MCFD2: variants seen among roughly 807,000 people sequenced by gnomAD.
MCFD2 encodes the protein multiple coagulation factor deficiency protein 2.
A neutral mutation model predicts 12.8 loss-of-function variants in MCFD2; 11 were observed. The observed-to-expected ratio is 0.86, with a 90% CI of 0.54 to 1.42. MCFD2 has a LOEUF of 1.42. Ranked by LOEUF, MCFD2 falls within the 40% of genes most tolerant of loss-of-function variation. MCFD2 has a pLI of 0.00. For missense variants in MCFD2, 191 were observed against 178.6 expected (o/e 1.07, Z -0.40); for synonymous variants, 70 against 68.1 (o/e 1.03, Z -0.14).
At chr2:46,914,804 TACTG>T (rs1460968559) in intron 1 of MCFD2, among the ~76,000 whole-genome samples, 3 of 152,160 alleles carry the variant, frequency 2.0e-5, no homozygotes. Flanking sequence ...ATAGCGAACA[TACTG>T]AAGGAACATG....
Position 46,907,595 on chromosome 2 carries a change from A to G in MCFD2, c.309+215T>C, listed in dbSNP as rs1668298046. 6.8e-6 allele frequency: 4 copies of G among 589,646 alleles called. No individual in the cohort carries two copies. Among genetic ancestry groups the G allele is most frequent in the Admixed American group, 5.6e-5 (2 of 35,998 alleles). The allele number at this position is 589,646 out of a possible 1,614,324, so 36.5% of individuals were successfully genotyped here. A position where few individuals can be genotyped will look rare whatever the true frequency, so the allele number is the denominator to read the frequency against. ...GTTTGTTTTGTAGAGACAGGGTCTC[A>G]CTATATTGCCAAGGCTGGTCTTGAA... is the stretch of plus-strand genomic sequence containing the variant. On this transcript the variant is annotated intron_variant, in intron 3 of 3. Coordinates refer to ENST00000319466, the MANE Select transcript of MCFD2 (RefSeq NM_139279.6). The surrounding 1 kb of genome is among the most constrained non-coding windows in gnomAD (Gnocchi z 4.1).
At chr2:46,916,023 C>A (rs1668766137), upstream of MCFD2, 1 of 985,302 alleles carries the variant, frequency 1.0e-6, no homozygotes, top group Non-Finnish European at 1.2e-6. Context: ...CCAGTTGGGC[C>A]GCTGGACGCC....
chr2:46,930,917 T>C (rs1423680036), intron 1 of MCFD2, among the ~76,000 whole-genome samples: 1 of 152,220 alleles, frequency 6.6e-6, no homozygotes, highest in Non-Finnish European at 1.5e-5. Context: ...AAAATATATA[T>C]ACCCTCTGAT....
upstream of MCFD2, chr2:46,915,943 C>A (rs1261513818): frequency 3.0e-6 from 3 of 985,338 alleles, no homozygotes; most frequent in Non-Finnish European, 3.6e-6. Context: ...GTAATCGGCC[C>A]GGGCCCAGCA....
Position 46,907,764 on chromosome 2 carries a change from G to A in MCFD2, c.309+46C>T, listed in dbSNP as rs1026792937. The A allele has an allele frequency of 5.6e-6, 9 of 1,600,436 alleles. No homozygotes were observed. Among genetic ancestry groups the A allele is most frequent in the Non-Finnish European group, 7.7e-6 (9 of 1,168,620 alleles). On this transcript the variant is annotated intron_variant, in intron 3 of 3. Coordinates refer to ENST00000319466, the MANE Select transcript of MCFD2 (RefSeq NM_139279.6). This position sits in a 1 kb window ranked among gnomAD's most constrained non-coding sequence, Gnocchi z 4.1. ...AAGACTGGGGACCAAATTAACAAAG[G>A]GAAGCCTTTCTGTGATACAGTCCCC...
chr2:46,915,473 C>T (rs990678743), intron 1 of MCFD2, among the ~76,000 whole-genome samples: 9 of 152,166 alleles, frequency 5.9e-5, no homozygotes, highest in African/African-American at 1.9e-4. Context: ...TCCTCGGGCC[C>T]CTAGGGACCA....
At chr2:46,921,897 GT>G (rs34412597) in intron 1 of MCFD2, among the ~76,000 whole-genome samples, 25,850 of 152,190 alleles carry the variant, frequency 0.17, 2,623 homozygotes, top group African/African-American at 0.28. Flanking sequence ...CATAGCTCAG[GT>G]TGGTAATGCT....
rs1191735283 is a variant in MCFD2 at position 46,905,292 on chromosome 2, C to G, written c.*171G>C. On this transcript the variant is annotated 3_prime_UTR_variant, in exon 4 of 4. Coordinates refer to ENST00000319466, the MANE Select transcript of MCFD2 (RefSeq NM_139279.6). ...AGGGACTATTAGATGTCCCATTTCT[C>G]TTCTCTTTCATTTCTCTTATCTCTT... 2 of 715,184 alleles carry G rather than the reference C, an allele frequency of 2.8e-6. No individual in the cohort carries two copies. The highest frequency in any genetic ancestry group is 4.9e-6 in the Non-Finnish European group (2 of 404,440). The allele number at this position is 715,184 out of a possible 1,614,324, so 44.3% of individuals were successfully genotyped here.
At chr2:46,917,061 T>G, upstream of MCFD2, 1 of 642,258 alleles carries the variant, frequency 1.6e-6, no homozygotes, top group Admixed American at 2.6e-5. Flanking sequence ...GCCTTGAAAG[T>G]TGCCTAACGC....
intron 1 of MCFD2, among the ~76,000 whole-genome samples, chr2:46,915,332 G>A (rs530520429): frequency 1.2e-4 from 19 of 152,328 alleles, no homozygotes; most frequent in African/African-American, 4.6e-4. Flanking sequence ...TTCCCCCGCC[G>A]GGCCCGACAG....
intron 1 of MCFD2, among the ~76,000 whole-genome samples, chr2:46,930,563 G>C (rs772299044): frequency 2.7e-4 from 40 of 148,844 alleles, no homozygotes; most frequent in Non-Finnish European, 5.2e-4. Context: ...GCAGTGGCGC[G>C]ATCTTGGCTC....
At chr2:46,931,120 T>C (rs1023405670) in intron 1 of MCFD2, among the ~76,000 whole-genome samples, 1 of 152,230 alleles carries the variant, frequency 6.6e-6, no homozygotes. Flanking sequence ...CCCCCAAAGA[T>C]GTTTATGTCC....
At chr2:46,927,177 T>G (rs1264359054) in intron 1 of MCFD2, among the ~76,000 whole-genome samples, 1 of 151,924 alleles carries the variant, frequency 6.6e-6, no homozygotes, top group Non-Finnish European at 1.5e-5. Flanking sequence ...GCAAAGACAG[T>G]ATTTGAAGAG....
intron 1 of MCFD2, among the ~76,000 whole-genome samples, chr2:46,912,045 C>A (rs76936474): frequency 0.033 from 4,997 of 152,184 alleles, 101 homozygotes; most frequent in Non-Finnish European, 0.047. Flanking sequence ...ATAAAAGTGC[C>A]CAGACCTTGG....
At chr2:46,915,676 A>T in intron 1 of MCFD2, 47 bp downstream of exon 1, 1 of 748,272 alleles carries the variant, frequency 1.3e-6, no homozygotes, top group Non-Finnish European at 1.6e-6. Flanking sequence ...CCCACAGGAG[A>T]GGCGCCGGGA....
chr2:46,920,008 G>T (rs1045830637), upstream of MCFD2, among the ~76,000 whole-genome samples: 3 of 152,164 alleles, frequency 2.0e-5, no homozygotes, highest in Admixed American at 6.6e-5. Context: ...GGCATGTGTT[G>T]TGTTGTTCTG....
chr2:46,938,673 A>G (rs1307195802), intron 1 of MCFD2, among the ~76,000 whole-genome samples: 4 of 152,158 alleles, frequency 2.6e-5, no homozygotes, highest in Non-Finnish European at 4.4e-5. Context: ...CTTATAGTCA[A>G]TAAATTCTAT....
intron 1 of MCFD2, chr2:46,911,007 T>A (rs1282447316): frequency 6.6e-6 from 1 of 152,074 alleles, no homozygotes; most frequent in East Asian, 1.9e-4. Context: ...GGTAACAGAG[T>A]GAGACCCTGT....
At position 46,909,156 on chromosome 2, in the gene MCFD2, G is replaced by C. The variant is rs1297497901; in HGVS notation, c.16C>G (p.Leu6Val). 3.7e-6 allele frequency: 6 copies of C among 1,614,040 alleles called. No homozygotes were observed. Among genetic ancestry groups the C allele is most frequent in the Non-Finnish European group, 5.1e-6 (6 of 1,179,942 alleles). The change falls in exon 2 of 4, where the codon CTG becomes GTG. Residue 6 changes from leucine to valine, a missense_variant. Physicochemically the swap from Leu to Val is conservative, Grantham distance 32. Transcript: ENST00000319466. The part of the protein sequence containing the change: MTMRS[L>V]LRTPFLCGLL... ...CCACACAGGAAGGGGGTTCTGAGCA[G>C]GGATCTCATGGTCATCAATATCTGT...
Sources: allele counts gnomAD v4.1 joint callset (sites outside exome capture counted in the v4.1 genomes callset), GRCh38; gene constraint gnomAD v4.1.1; non-coding constraint Gnocchi (gnomAD v3.1); transcripts MANE v1.5; gene names NCBI Gene and HGNC (gene_info 2026-07-23, HGNC 2026-07-21).